The following CSMD1 variants were observed in gnomAD, a reference collection of about 807,000 sequenced individuals.
The protein encoded by CSMD1 is CUB and sushi domain-containing protein 1.
In CSMD1, 213 loss-of-function variants were observed where a neutral mutation model predicts 417.5. The ratio of observed to expected loss-of-function variants is 0.51; its 90% CI spans 0.46 to 0.57. The LOEUF (loss-of-function observed/expected upper bound fraction) is 0.57, where lower values mean the gene tolerates loss of function less well. Ranked by LOEUF, CSMD1 falls within the 20% of genes least tolerant of loss-of-function variation. The pLI is 0.00. For synonymous variants in CSMD1, 2,862 were observed against 1,736.8 expected (o/e 1.65, Z -16.11); for missense variants, 6,923 against 4,529.7 (o/e 1.53, Z -15.17).
chr8:4,124,500 C>A (rs756607769), intron 3 of CSMD1, among the ~76,000 whole-genome samples: 1 of 152,172 alleles, frequency 6.6e-6, no homozygotes, highest in Non-Finnish European at 1.5e-5. Context: ...TCACCAACTG[C>A]CCCTTGAGTG....
chr8:4,946,838 A>G (rs1808402967), intron 1 of CSMD1, among the ~76,000 whole-genome samples: 1 of 152,212 alleles, frequency 6.6e-6, no homozygotes, highest in Non-Finnish European at 1.5e-5. Flanking sequence ...CTCCAATTAC[A>G]CATTTATTTT....
intron 3 of CSMD1, among the ~76,000 whole-genome samples, chr8:4,165,416 G>A (rs184422829): frequency 2.0e-5 from 3 of 152,336 alleles, no homozygotes; most frequent in Admixed American, 6.5e-5. Flanking sequence ...TAAGCATCAT[G>A]TTTTGTTTGA....
At chr8:4,079,312 C>G (rs189871099) in intron 3 of CSMD1, among the ~76,000 whole-genome samples, 1 of 152,122 alleles carries the variant, frequency 6.6e-6, no homozygotes, top group East Asian at 1.9e-4. Flanking sequence ...CAAATTGTGA[C>G]TAGGCAATGT....
intron 8 of CSMD1, among the ~76,000 whole-genome samples, chr8:3,593,251 G>A (rs948067185): frequency 2.0e-5 from 3 of 152,326 alleles, no homozygotes; most frequent in East Asian, 1.9e-4. Context: ...CAGAACCCCC[G>A]CGTTGTGTCT....
At chr8:3,327,532 G>A (rs1806613383) in intron 23 of CSMD1, among the ~76,000 whole-genome samples, 1 of 152,124 alleles carries the variant, frequency 6.6e-6, no homozygotes, top group Non-Finnish European at 1.5e-5. Context: ...TCAGTTTAAT[G>A]TCTGTTAGAA....
At chr8:4,749,928 T>C (rs987139679) in intron 1 of CSMD1, among the ~76,000 whole-genome samples, 12 of 152,044 alleles carry the variant, frequency 7.9e-5, no homozygotes, top group South Asian at 2.1e-4. Context: ...GCGCCACTAA[T>C]AGAAAATTAG....
chr8:4,810,413 C>G (rs1027088712), intron 1 of CSMD1, among the ~76,000 whole-genome samples: 2 of 152,166 alleles, frequency 1.3e-5, no homozygotes, highest in Non-Finnish European at 2.9e-5. Flanking sequence ...TACCTTCAAA[C>G]TCACTATGCA....
intron 2 of CSMD1, among the ~76,000 whole-genome samples, chr8:4,590,068 T>C (rs1310955671): frequency 2.0e-5 from 3 of 152,234 alleles, no homozygotes; most frequent in African/African-American, 7.2e-5. Context: ...TTTGTGGTGG[T>C]AACATGTATT....
rs530329109 is a variant in CSMD1 at position 3,279,951 on chromosome 8, A to T, written c.4153+4193T>A. Reference sequence around the variant, plus strand: ...AATTCAAGGTGAGATTTGGGTGGGGACGTAGAACCTAACCGTATCAGGAAG... The same window carrying T: ...AATTCAAGGTGAGATTTGGGTGGGGTCGTAGAACCTAACCGTATCAGGAAG... On this transcript the variant is annotated intron_variant, in intron 26 of 69. Transcript: ENST00000635120. Among the ~76,000 whole-genome samples, 44 of 152,334 alleles carry T rather than the reference A, an allele frequency of 2.9e-4. No individual in the cohort carries two copies. The South Asian group carries it at 6.0e-3, about 21-fold the overall frequency.
chr8:4,176,921 T>C (rs1798078992), intron 3 of CSMD1, among the ~76,000 whole-genome samples: 1 of 149,168 alleles, frequency 6.7e-6, no homozygotes, highest in Non-Finnish European at 1.5e-5. Context: ...AGCACCCAGA[T>C]TCATAAAGCA....
intron 1 of CSMD1, among the ~76,000 whole-genome samples, chr8:4,969,458 C>G (rs1205138518): frequency 2.0e-5 from 3 of 151,664 alleles, no homozygotes; most frequent in Admixed American, 6.6e-5. Flanking sequence ...GAAAATCTTT[C>G]TATTCATATT....
chr8:4,632,681 T>A (rs1318896161), intron 2 of CSMD1, among the ~76,000 whole-genome samples: 2 of 151,908 alleles, frequency 1.3e-5, no homozygotes, highest in African/African-American at 2.4e-5. Context: ...CAGGTGTGAG[T>A]TCAAAGGAGT....
At chr8:4,527,582 T>C (rs7836618) in intron 2 of CSMD1, among the ~76,000 whole-genome samples, 32 of 152,094 alleles carry the variant, frequency 2.1e-4, no homozygotes, top group African/African-American at 7.2e-4. Flanking sequence ...CAAAGATGCA[T>C]CTTGTGCTTA....
chr8:4,218,673 T>C lies in CSMD1; in HGVS notation c.416-186574A>G, dbSNP rs574978634. On this transcript the variant is annotated intron_variant, in intron 3 of 69. Transcript: ENST00000635120. ...TATTAGTGGGACAGTGGTTAGGCTC[T>C]AAAGCTTGGATACATCTCTTCAAAT... Among the ~76,000 whole-genome samples, 10 of 152,340 alleles carry C rather than the reference T, an allele frequency of 6.6e-5. No individual in the cohort carries two copies. In the South Asian group the frequency reaches 1.9e-3, roughly 28 times the overall value.
At chr8:4,779,018 C>T (rs1308936049) in intron 1 of CSMD1, among the ~76,000 whole-genome samples, 2 of 152,108 alleles carry the variant, frequency 1.3e-5, no homozygotes. Flanking sequence ...ATGCAATGAC[C>T]AGATTGATAT....
intron 46 of CSMD1, among the ~76,000 whole-genome samples, chr8:3,105,582 T>C (rs1816077817): frequency 6.6e-6 from 1 of 152,238 alleles, no homozygotes; most frequent in African/African-American, 2.4e-5. Context: ...ATCAACAGAT[T>C]CAGCCTCAGT....
At chr8:3,583,712 C>T (rs1395437251) in intron 9 of CSMD1, among the ~76,000 whole-genome samples, 4 of 152,046 alleles carry the variant, frequency 2.6e-5, no homozygotes, top group Non-Finnish European at 4.4e-5. Context: ...AAAGAGGCTG[C>T]CATTTGGAAG....
At position 3,911,826 on chromosome 8, in the gene CSMD1, T is replaced by C. The variant is rs566686899; in HGVS notation, c.818+86077A>G. Among the ~76,000 whole-genome samples, 9 of 152,320 alleles carry C rather than the reference T, an allele frequency of 5.9e-5. No individual in the cohort carries two copies. The East Asian group carries it at 1.7e-3, about 29-fold the overall frequency. On this transcript the variant is annotated intron_variant, in intron 5 of 69. Transcript: ENST00000635120. ...AAATTCTGTCTAATTAAACTCATTT[T>C]CTTAGACTGCCACAAACAAAAGATT...
At chr8:4,561,061 A>C (rs1326711836) in intron 2 of CSMD1, among the ~76,000 whole-genome samples, 2 of 152,222 alleles carry the variant, frequency 1.3e-5, no homozygotes, top group Admixed American at 6.5e-5. Flanking sequence ...AATGATAACA[A>C]TAAAATGATA....
Sources: allele counts gnomAD v4.1 joint callset (sites outside exome capture counted in the v4.1 genomes callset), GRCh38; gene constraint gnomAD v4.1.1; transcripts MANE v1.5; gene names NCBI Gene and HGNC (gene_info 2026-07-23, HGNC 2026-07-21).